The following ANKIB1 variants were observed in gnomAD, a reference collection of about 807,000 sequenced individuals.
The protein encoded by ANKIB1 is ankyrin repeat and IBR domain-containing protein 1.
Under a neutral mutation model 122.1 loss-of-function variants are expected in ANKIB1, and 43 were observed. The observed-to-expected ratio is 0.35, with a 90% CI of 0.28 to 0.45. ANKIB1 has a LOEUF of 0.45. Among genes scored for constraint, ANKIB1 ranks in the 20% least tolerant of loss-of-function variants. ANKIB1 has a pLI of 1.00. For synonymous variants in ANKIB1, 390 were observed against 442.0 expected (o/e 0.88, Z 1.48); for missense variants, 992 against 1,329.5 (o/e 0.75, Z 3.95).
rs776777318 is a variant in ANKIB1, at chr7:92,396,408, G to C, written c.2327G>C (p.Arg776Pro). Residue 776 changes from arginine (R) to proline (P), a missense_variant, in exon 18 of 20, where the codon CGT becomes CCT. Arg to Pro is a moderately radical substitution (Grantham distance 103). Transcript: ENST00000265742. ...TATCGGAGGAGGCACAGACAACGTCGTCGAGGAGATGTTCACAGTCTACTC... is the reference window on the plus strand; with the variant it reads ...TATCGGAGGAGGCACAGACAACGTCCTCGAGGAGATGTTCACAGTCTACTC... ...FQYRRRHRQRRRGDVHSLLSN... is the reference protein window; with the variant it reads ...FQYRRRHRQRPRGDVHSLLSN... The C allele has an allele frequency of 6.3e-7, 1 of 1,598,392 alleles. No individual in the cohort carries two copies. Among genetic ancestry groups the C allele is most frequent in the Non-Finnish European group, 8.5e-7 (1 of 1,171,988 alleles).
intron 1 of ANKIB1, among the ~76,000 whole-genome samples, chr7:92,262,633 A>G (rs2131883600): frequency 6.6e-6 from 1 of 152,326 alleles, no homozygotes; most frequent in Admixed American, 6.5e-5. Flanking sequence ...AGGAAAGAGA[A>G]GAAGAAAATA....
chr7:92,294,484 C>T (rs1409962088), intron 1 of ANKIB1: 1 of 158,770 alleles, frequency 6.3e-6, no homozygotes, highest in Non-Finnish European at 1.4e-5. Context: ...GGCAAAATTT[C>T]CTACATTTTT....
chr7:92,396,273 C>T, intron 17 of ANKIB1, 92 bp from the exon 18 acceptor site: 1 of 746,588 alleles, frequency 1.3e-6, no homozygotes, highest in Non-Finnish European at 2.3e-6. Context: ...AAATCACAAA[C>T]TTTTTCCCCT....
chr7:92,285,668 A>G (rs1206104437), intron 1 of ANKIB1, among the ~76,000 whole-genome samples: 2 of 152,262 alleles, frequency 1.3e-5, no homozygotes, highest in East Asian at 3.8e-4. Flanking sequence ...GTCATAGGAA[A>G]CAAGATCTAT....
At chr7:92,279,520 G>A (rs1801976315) in intron 1 of ANKIB1, among the ~76,000 whole-genome samples, 1 of 152,154 alleles carries the variant, frequency 6.6e-6, no homozygotes, top group Non-Finnish European at 1.5e-5. Context: ...GGCATCTACT[G>A]ATGTTTTTCA....
At chr7:92,361,968 C>T (rs1803958274) in intron 9 of ANKIB1, among the ~76,000 whole-genome samples, 1 of 152,124 alleles carries the variant, frequency 6.6e-6, no homozygotes, top group Non-Finnish European at 1.5e-5. Context: ...TGCCACCACG[C>T]CCGACTAATT....
chr7:92,330,769 G>A (rs985260600), intron 5 of ANKIB1, among the ~76,000 whole-genome samples: 6 of 152,170 alleles, frequency 3.9e-5, no homozygotes, highest in Non-Finnish European at 8.8e-5. Context: ...GTGAACCCGG[G>A]AGGTGGAGCT....
At chr7:92,331,899 A>T (rs1413648026) in intron 5 of ANKIB1, among the ~76,000 whole-genome samples, 1 of 149,356 alleles carries the variant, frequency 6.7e-6, no homozygotes, top group African/African-American at 2.5e-5. Context: ...CTCTTAAGCT[A>T]TAGTATCATA....
chr7:92,329,075 C>G (rs1369826095), intron 5 of ANKIB1, among the ~76,000 whole-genome samples: 2 of 150,742 alleles, frequency 1.3e-5, no homozygotes, highest in Non-Finnish European at 2.9e-5. Flanking sequence ...TCAAGCAATT[C>G]TCATGCCTCA....
chr7:92,318,951 C>T (rs911021998), intron 3 of ANKIB1, among the ~76,000 whole-genome samples: 5 of 152,008 alleles, frequency 3.3e-5, no homozygotes, highest in Non-Finnish European at 7.4e-5. Context: ...CAGCAGTGTC[C>T]TTGTTTAAGA....
intron 3 of ANKIB1, among the ~76,000 whole-genome samples, chr7:92,318,759 C>T (rs1246967162): frequency 6.6e-6 from 1 of 152,192 alleles, no homozygotes; most frequent in African/African-American, 2.4e-5. Context: ...GATGGATAGA[C>T]TTAGCTTCCC....
chr7:92,311,071 T>C (rs1802682526), intron 3 of ANKIB1, among the ~76,000 whole-genome samples: 3 of 152,208 alleles, frequency 2.0e-5, no homozygotes, highest in Admixed American at 2.0e-4. Context: ...TCTAAACATT[T>C]CTTTGTATCA....
chr7:92,384,985 A>G (rs1234935155), intron 11 of ANKIB1, among the ~76,000 whole-genome samples: 1 of 152,194 alleles, frequency 6.6e-6, no homozygotes, highest in African/African-American at 2.4e-5. Context: ...GCAATTACCC[A>G]TCTGACAAGG....
chr7:92,344,929 CT>C, intron 6 of ANKIB1, 48 bp from the exon 7 acceptor site: 1 of 1,459,622 alleles, frequency 6.9e-7, no homozygotes, highest in Non-Finnish European at 9.5e-7. Flanking sequence ...GTATTGTTCT[CT>C]TTCAGAAGTA....
At chr7:92,310,968 A>AT (rs1323470739) in intron 3 of ANKIB1, among the ~76,000 whole-genome samples, 1 of 152,120 alleles carries the variant, frequency 6.6e-6, no homozygotes, top group Admixed American at 6.5e-5. Context: ...GTCTCTAGTT[A>AT]TTTTCAGGTG....
chr7:92,342,929 A>G, intron 5 of ANKIB1, 95 bp from the exon 6 acceptor site: 4 of 1,202,296 alleles, frequency 3.3e-6, no homozygotes, highest in Non-Finnish European at 4.8e-6. Context: ...TTAGATGACC[A>G]AAATTTGTAA....
chr7:92,359,662 T>G (rs1303318708), intron 9 of ANKIB1, among the ~76,000 whole-genome samples: 2 of 152,240 alleles, frequency 1.3e-5, no homozygotes, highest in Non-Finnish European at 1.5e-5. Flanking sequence ...TCCACAATGG[T>G]TGAACTAATT....
chr7:92,283,835 ATC>A (rs1802058118), intron 1 of ANKIB1, among the ~76,000 whole-genome samples: 1 of 152,160 alleles, frequency 6.6e-6, no homozygotes, highest in Non-Finnish European at 1.5e-5. Flanking sequence ...CAGTGGCACA[ATC>A]TCGGCTCACT....
At chr7:92,289,306 C>T (rs1802200141) in intron 1 of ANKIB1, among the ~76,000 whole-genome samples, 1 of 152,152 alleles carries the variant, frequency 6.6e-6, no homozygotes, top group African/African-American at 2.4e-5. Context: ...AAATCAAAGC[C>T]TTACAGTGTT....
Sources: gnomAD v4.1 joint callset for allele counts (sites outside exome capture counted in the v4.1 genomes callset) on GRCh38, gnomAD v4.1.1 for gene constraint, MANE v1.5 for transcripts, NCBI Gene and HGNC (gene_info 2026-07-23, HGNC 2026-07-21) for gene names.